The following MAGI2 variants were observed in gnomAD, a reference collection of about 807,000 sequenced individuals.
The protein encoded by MAGI2 is membrane associated guanylate kinase, WW and PDZ domain containing 2.
Under a neutral mutation model 133.3 loss-of-function variants are expected in MAGI2, and 35 were observed. The observed-to-expected ratio is 0.26, with a 90% CI of 0.20 to 0.35. The LOEUF is 0.35. Ranked by LOEUF, MAGI2 falls within the 10% of genes least tolerant of loss-of-function variation. The pLI is 1.00. For missense variants in MAGI2, 1,636 were observed against 1,863.4 expected, an observed-to-expected ratio of 0.88 and a Z score of 2.25; for synonymous variants, 729 against 710.6, an observed-to-expected ratio of 1.03 and a Z score of -0.41.
At chr7:79,292,213 G>T (rs966140542) in intron 1 of MAGI2, among the ~76,000 whole-genome samples, 6 of 152,070 alleles carry the variant, frequency 3.9e-5, no homozygotes, top group African/African-American at 1.4e-4. Context: ...ATAAGTGTAG[G>T]TGTTTATTTC....
intron 16 of MAGI2, among the ~76,000 whole-genome samples, chr7:78,146,805 T>A: frequency 6.6e-6 from 1 of 152,286 alleles, no homozygotes; most frequent in Middle Eastern, 3.4e-3. Flanking sequence ...ATCCAGTGTA[T>A]TTTATCTCTG....
chr7:79,040,733 G>T (rs1004375292), intron 1 of MAGI2, among the ~76,000 whole-genome samples: 6 of 152,010 alleles, frequency 3.9e-5, no homozygotes, highest in African/African-American at 1.2e-4. Flanking sequence ...CATTTCCCCC[G>T]CTTGCACTCA....
chr7:78,259,137 T>G (rs1198044002), intron 9 of MAGI2, among the ~76,000 whole-genome samples: 2 of 152,306 alleles, frequency 1.3e-5, no homozygotes, highest in East Asian at 3.9e-4. Context: ...CTTTTCATGT[T>G]TATTGGCCTT....
intron 21 of MAGI2, among the ~76,000 whole-genome samples, chr7:78,032,684 G>A (rs942605457): frequency 2.6e-5 from 4 of 152,262 alleles, no homozygotes; most frequent in Middle Eastern, 3.4e-3. Context: ...ATGGATTGGT[G>A]CAATGAAGAA....
chr7:78,425,747 G>A (rs1048904201), intron 6 of MAGI2, among the ~76,000 whole-genome samples: 2 of 152,168 alleles, frequency 1.3e-5, no homozygotes, highest in African/African-American at 2.4e-5. Flanking sequence ...ATGTCAGAAA[G>A]GCCACAGCTT....
At chr7:78,226,744 T>C (rs1789430000) in intron 10 of MAGI2, among the ~76,000 whole-genome samples, 1 of 152,234 alleles carries the variant, frequency 6.6e-6, no homozygotes, top group African/African-American at 2.4e-5. Context: ...TATGTATATA[T>C]GTACGTATTT....
intron 21 of MAGI2, among the ~76,000 whole-genome samples, chr7:78,022,795 T>C (rs1808528205): frequency 6.6e-6 from 1 of 152,194 alleles, no homozygotes. Context: ...ACTCTTTTCT[T>C]TCCCTCCTCC....
chr7:79,136,039 A>C (rs565981382), intron 1 of MAGI2, among the ~76,000 whole-genome samples: 2 of 142,984 alleles, frequency 1.4e-5, no homozygotes, highest in East Asian at 4.1e-4. Flanking sequence ...GAAAGAAAGA[A>C]AGAAAGAAGG....
intron 10 of MAGI2, among the ~76,000 whole-genome samples, chr7:78,209,593 C>T (rs989957157): frequency 1.4e-4 from 22 of 151,996 alleles, no homozygotes; most frequent in Non-Finnish European, 2.6e-4. Context: ...CCTTTCCTTT[C>T]CTTCCATACC....
chr7:78,346,933 G>A (rs1222559747), intron 7 of MAGI2, among the ~76,000 whole-genome samples: 1 of 152,158 alleles, frequency 6.6e-6, no homozygotes, highest in Admixed American at 6.5e-5. Flanking sequence ...CAAATACTGA[G>A]TACTTAACTC....
chr7:78,786,731 T>C (rs963803624), intron 2 of MAGI2, among the ~76,000 whole-genome samples: 1 of 152,166 alleles, frequency 6.6e-6, no homozygotes, highest in African/African-American at 2.4e-5. Flanking sequence ...AGCTGCTTTA[T>C]TTTTCTTTAG....
chr7:78,082,410 C>A (rs1182969273), intron 20 of MAGI2, among the ~76,000 whole-genome samples: 1 of 152,122 alleles, frequency 6.6e-6, no homozygotes, highest in Non-Finnish European at 1.5e-5. Flanking sequence ...AGGAATGAGG[C>A]TCCGGGAAGT....
rs1182606186 is a variant in MAGI2, at chr7:78,159,669, GTTAC to G, written c.2845+352_2845+355del. Reference sequence around the variant, plus strand: ...ATTCTGTTGAACAGTTCTCAATCAAGTTACTTACAGAACATTCCCTGACCAACCC... The same window carrying G: ...ATTCTGTTGAACAGTTCTCAATCAAGTTACAGAACATTCCCTGACCAACCC... On this transcript the variant is annotated intron_variant, in intron 16 of 21. Transcript: ENST00000354212. 8 of 163,408 alleles carry G rather than the reference GTTAC, an allele frequency of 4.9e-5. No homozygotes were observed. The East Asian group carries it at 1.4e-3, about 28-fold the overall frequency. The allele number at this position is 163,408 out of a possible 1,614,324, so 10.1% of individuals were successfully genotyped here.
At chr7:79,350,118 C>G (rs949211489) in intron 1 of MAGI2, among the ~76,000 whole-genome samples, 2 of 152,032 alleles carry the variant, frequency 1.3e-5, no homozygotes, top group Non-Finnish European at 2.9e-5. Flanking sequence ...CCTAGTAACT[C>G]AGATGACACT....
At chr7:78,379,014 C>T (rs898870274) in intron 6 of MAGI2, among the ~76,000 whole-genome samples, 2 of 151,804 alleles carry the variant, frequency 1.3e-5, no homozygotes, top group Admixed American at 6.6e-5. Context: ...ATAGAAGTTA[C>T]CAGTACAAAG....
Position 78,175,709 on chromosome 7 carries a change from G to A in MAGI2, c.2403+2302C>T, listed in dbSNP as rs187219022. Among the ~76,000 whole-genome samples the A allele has an allele frequency of 3.4e-3, 511 of 152,250 alleles. 2 individuals carry two copies. Among genetic ancestry groups the A allele is most frequent in the Non-Finnish European group, 5.5e-3 (374 of 68,008 alleles). On this transcript the variant is annotated intron_variant, in intron 14 of 21. Coordinates refer to ENST00000354212, the MANE Select transcript of MAGI2 (RefSeq NM_012301.4). ...ATTTGGCAAACTTATTTCAGCAGAC[G>A]CCAGGAGTCTTGGGCAGAGGTGGCA...
At chr7:79,350,160 T>C (rs769450269) in intron 1 of MAGI2, among the ~76,000 whole-genome samples, 3 of 151,818 alleles carry the variant, frequency 2.0e-5, no homozygotes, top group Non-Finnish European at 4.4e-5. Context: ...CTGTGAGGAG[T>C]CATGAAATAA....
At chr7:78,650,877 T>C (rs755572694) in intron 2 of MAGI2, among the ~76,000 whole-genome samples, 1 of 152,140 alleles carries the variant, frequency 6.6e-6, no homozygotes, top group African/African-American at 2.4e-5. Flanking sequence ...CAGCATGCAA[T>C]AGTCACTTTA....
intron 1 of MAGI2, among the ~76,000 whole-genome samples, chr7:79,223,582 A>G (rs1002230848): frequency 2.0e-5 from 3 of 151,956 alleles, no homozygotes; most frequent in Non-Finnish European, 4.4e-5. Context: ...AATCCCAACA[A>G]TTTGGGAGGC....
Sources: gnomAD v4.1 joint callset for allele counts (sites outside exome capture counted in the v4.1 genomes callset) on GRCh38, gnomAD v4.1.1 for gene constraint, MANE v1.5 for transcripts, NCBI Gene and HGNC (gene_info 2026-07-23, HGNC 2026-07-21) for gene names.